Variants in GRIA1 observed in about 807,000 individuals in gnomAD.
The protein encoded by GRIA1 is glutamate receptor 1.
A neutral mutation model predicts 99.2 loss-of-function variants in GRIA1; 31 were observed. The observed-to-expected ratio is 0.31, with a 90% CI of 0.23 to 0.42. The LOEUF (loss-of-function observed/expected upper bound fraction) is 0.42, where lower values mean the gene tolerates loss of function less well. GRIA1 is among the 10% of genes least tolerant of loss of function. The pLI is 1.00. For synonymous variants in GRIA1, 438 were observed against 432.4 expected, an observed-to-expected ratio of 1.01 and a Z score of -0.16; for missense variants, 782 against 1,157.5, an observed-to-expected ratio of 0.68 and a Z score of 4.71.
At chr5:153,627,033 G>A (rs1206298899) in intron 2 of GRIA1, among the ~76,000 whole-genome samples, 1 of 152,140 alleles carries the variant, frequency 6.6e-6, no homozygotes, top group African/African-American at 2.4e-5. Flanking sequence ...CTTAACTACA[G>A]CTATTCTTAG....
Position 153,793,677 on chromosome 5 carries a change from T to C in GRIA1, c.2271-944T>C, listed in dbSNP as rs527825510. Among the ~76,000 whole-genome samples the C allele has an allele frequency of 2.0e-5, 3 of 152,312 alleles. No homozygotes were observed. The East Asian group carries it at 5.8e-4, about 29-fold the overall frequency. On this transcript the variant is annotated intron_variant, in intron 13 of 15. Coordinates refer to ENST00000285900, the MANE Select transcript of GRIA1 (RefSeq NM_000827.4). ...CAGAGGGCAAGTGAGGAGTTGTCCA[T>C]AGAGAAATTTAGATGGACTCCCTTG...
rs1266511626 is a variant in GRIA1, at chr5:153,626,436, G to GTGTGTGTA, written c.221-20485_221-20484insATGTGTGT. On this transcript the variant is annotated intron_variant, in intron 2 of 15. Transcript: ENST00000285900. ...AGAATGACAAATCTAGTCTCTGTGTGTGTGTGTCTGTGTGTGTGTGTGTGT... is the reference window on the plus strand; with the variant it reads ...AGAATGACAAATCTAGTCTCTGTGTGTGTGTGTATGTGTGTCTGTGTGTGTGTGTGTGT... 3.0e-3 allele frequency among the ~76,000 whole-genome samples: 350 copies of GTGTGTGTA among 117,678 alleles called. 2 individuals are homozygous for GTGTGTGTA. The highest frequency in any genetic ancestry group is 4.4e-3 in the Admixed American group (49 of 11,096). The allele number at this position is 117,678 out of a possible 152,430, so 77.2% of individuals were successfully genotyped here.
chr5:153,604,704 G>A (rs986129912), intron 2 of GRIA1, among the ~76,000 whole-genome samples: 1 of 151,966 alleles, frequency 6.6e-6, no homozygotes, highest in Non-Finnish European at 1.5e-5. Flanking sequence ...GTTTAATTTT[G>A]TCTACATTTT....
intron 2 of GRIA1, among the ~76,000 whole-genome samples, chr5:153,526,308 A>C (rs1360378315): frequency 6.6e-6 from 1 of 152,204 alleles, no homozygotes; most frequent in African/African-American, 2.4e-5. Flanking sequence ...TATTATTTGA[A>C]GAAGTATATT....
Position 153,686,205 on chromosome 5 carries a change from C to G in GRIA1, c.1030-20C>G, listed in dbSNP as rs1354760366. The G allele has an allele frequency of 6.3e-7, 1 of 1,577,382 alleles. No homozygotes were observed. Among genetic ancestry groups the G allele is most frequent in the African/African-American group, 1.3e-5 (1 of 74,280 alleles). Reference sequence around the variant, plus strand: ...AAGTACATCTGAGTTCACTGCCCACCACTTGGTTTTGTTTTCCAGGTGCGA... The same window carrying G: ...AAGTACATCTGAGTTCACTGCCCACGACTTGGTTTTGTTTTCCAGGTGCGA... On this transcript the variant is annotated intron_variant, in intron 7 of 15. Coordinates refer to ENST00000285900, the MANE Select transcript of GRIA1 (RefSeq NM_000827.4).
intron 2 of GRIA1, among the ~76,000 whole-genome samples, chr5:153,534,333 C>A (rs981362607): frequency 2.0e-5 from 3 of 152,062 alleles, no homozygotes; most frequent in Non-Finnish European, 2.9e-5. Context: ...CTGATAAATG[C>A]CCCTCTGGGG....
At chr5:153,654,419 C>A (rs185428705) in intron 4 of GRIA1, among the ~76,000 whole-genome samples, 2 of 152,182 alleles carry the variant, frequency 1.3e-5, no homozygotes, top group African/African-American at 4.8e-5. Flanking sequence ...CATGTCTTTG[C>A]TGTTTTGTGT....
At chr5:153,558,643 T>C (rs1760856428) in intron 2 of GRIA1, among the ~76,000 whole-genome samples, 1 of 152,202 alleles carries the variant, frequency 6.6e-6, no homozygotes, top group Admixed American at 6.5e-5. Flanking sequence ...CCCCAGCTGA[T>C]GAACATTTAG....
intron 10 of GRIA1, among the ~76,000 whole-genome samples, chr5:153,700,806 G>A (rs923075511): frequency 6.6e-6 from 1 of 152,170 alleles, no homozygotes; most frequent in African/African-American, 2.4e-5. Context: ...GAGCCATGAT[G>A]GCCCTGAGAG....
intron 2 of GRIA1, among the ~76,000 whole-genome samples, chr5:153,537,681 T>A (rs1302187552): frequency 6.6e-6 from 1 of 152,202 alleles, no homozygotes; most frequent in African/African-American, 2.4e-5. Context: ...GGGTCTCCAG[T>A]GGCTTCAAGA....
intron 15 of GRIA1, among the ~76,000 whole-genome samples, chr5:153,806,404 TAC>T (rs1370824267): frequency 6.6e-6 from 1 of 152,186 alleles, no homozygotes; most frequent in Non-Finnish European, 1.5e-5. Flanking sequence ...TAGCTGGGAC[TAC>T]AGTCACGTGC....
chr5:153,650,523 A>C lies in GRIA1; in HGVS notation c.645+9A>C. 6.2e-7 allele frequency: 1 copy of C among 1,613,028 alleles called. No individual in the cohort carries two copies. The highest frequency in any genetic ancestry group is 8.5e-7 in the Non-Finnish European group (1 of 1,179,384). On this transcript the variant is annotated intron_variant, in intron 4 of 15. Coordinates refer to ENST00000285900, the MANE Select transcript of GRIA1 (RefSeq NM_000827.4). ...ATGCTATCTTGGGCCAGGTAGTGAA[A>C]GCAGCAAGGGCTCAGGGTGGGTGCG...
chr5:153,775,053 A>G (rs1764129933), intron 13 of GRIA1, among the ~76,000 whole-genome samples: 2 of 152,204 alleles, frequency 1.3e-5, no homozygotes, highest in South Asian at 4.1e-4. Flanking sequence ...ATAAAGACCT[A>G]TGCAGCCAAC....
At chr5:153,802,676 G>C (rs189333347) in intron 15 of GRIA1, among the ~76,000 whole-genome samples, 186 bp downstream of exon 15, 40 of 152,258 alleles carry the variant, frequency 2.6e-4, no homozygotes, top group African/African-American at 8.7e-4. Context: ...AAGGAAGATG[G>C]GGTGTGTCAG....
chr5:153,734,148 A>G (rs145101213), intron 11 of GRIA1, among the ~76,000 whole-genome samples: 1 of 152,190 alleles, frequency 6.6e-6, no homozygotes. Flanking sequence ...TCACAATAGC[A>G]GTTAAGTTAC....
rs1756024055 is a variant in GRIA1 at position 153,511,101 on chromosome 5, G to A, written c.220+17036G>A. ...TGTATTTTCCAAACTTAGTCCCTCTGTAGCCCACAGAACAGGCGGGTCTGA... is the reference window on the plus strand; with the variant it reads ...TGTATTTTCCAAACTTAGTCCCTCTATAGCCCACAGAACAGGCGGGTCTGA... On this transcript the variant is annotated intron_variant, in intron 2 of 15. Coordinates refer to ENST00000285900, the MANE Select transcript of GRIA1 (RefSeq NM_000827.4). Among the ~76,000 whole-genome samples the A allele has an allele frequency of 2.6e-5, 4 of 152,170 alleles. No individual in the cohort carries two copies. The South Asian group carries it at 8.3e-4, about 32-fold the overall frequency.
intron 2 of GRIA1, among the ~76,000 whole-genome samples, chr5:153,645,470 A>G (rs545497217): frequency 4.7e-4 from 71 of 152,322 alleles, no homozygotes; most frequent in African/African-American, 1.6e-3. Flanking sequence ...ATAACATTTC[A>G]AAAGTATTCA....
chr5:153,728,197 T>C (rs1760717933), intron 11 of GRIA1, among the ~76,000 whole-genome samples: 1 of 152,190 alleles, frequency 6.6e-6, no homozygotes, highest in Non-Finnish European at 1.5e-5. Context: ...AAGCTGAAAT[T>C]AGATCCCTCC....
At chr5:153,734,197 T>C (rs549974296) in intron 11 of GRIA1, among the ~76,000 whole-genome samples, 1 of 152,282 alleles carries the variant, frequency 6.6e-6, no homozygotes, top group East Asian at 1.9e-4. Flanking sequence ...TCATGTAAGC[T>C]CCCCAATTCC....
Sources: gnomAD v4.1 joint callset for allele counts (sites outside exome capture counted in the v4.1 genomes callset) on GRCh38, gnomAD v4.1.1 for gene constraint, MANE v1.5 for transcripts, NCBI Gene and HGNC (gene_info 2026-07-23, HGNC 2026-07-21) for gene names.